Variants in MAGI2 observed in about 807,000 individuals in gnomAD.
MAGI2 encodes membrane associated guanylate kinase, WW and PDZ domain containing 2, also known as membrane-associated guanylate kinase, WW and PDZ domain-containing protein 2.
Under a neutral mutation model 133.3 loss-of-function variants are expected in MAGI2, and 35 were observed. The observed-to-expected ratio is 0.26, with a 90% CI of 0.20 to 0.35. The LOEUF is 0.35. MAGI2 is among the 10% of genes least tolerant of loss of function. The probability of loss-of-function intolerance (pLI) is 1.00; values close to 1 mark genes in which losing one functional copy is unlikely to be tolerated. For synonymous variants in MAGI2, 729 were observed against 710.6 expected (o/e 1.03, Z -0.41); for missense variants, 1,636 against 1,863.4 (o/e 0.88, Z 2.25).
chr7:79,391,693 TTTTG>T (rs981086565), intron 1 of MAGI2, among the ~76,000 whole-genome samples: 1 of 151,484 alleles, frequency 6.6e-6, no homozygotes, highest in African/African-American at 2.4e-5. Flanking sequence ...GTTTGTTTGT[TTTTG>T]TTTGTTTGTT....
At chr7:79,213,324 G>GTA (rs1491479722) in intron 1 of MAGI2, among the ~76,000 whole-genome samples, 3 of 136,184 alleles carry the variant, frequency 2.2e-5, no homozygotes, top group East Asian at 4.3e-4. Flanking sequence ...ACGTACACAC[G>GTA]TACACACACA....
intron 6 of MAGI2, among the ~76,000 whole-genome samples, chr7:78,445,953 CT>C (rs1403465003): frequency 6.6e-6 from 1 of 151,152 alleles, no homozygotes; most frequent in Non-Finnish European, 1.5e-5. Context: ...TTTAATGCTA[CT>C]TTTATTGCCT....
At chr7:79,178,271 ACAG>A (rs1826289862) in intron 1 of MAGI2, among the ~76,000 whole-genome samples, 1 of 151,974 alleles carries the variant, frequency 6.6e-6, no homozygotes, top group African/African-American at 2.4e-5. Flanking sequence ...ATTAGTGAAA[ACAG>A]CAGATACGTT....
At chr7:78,232,395 A>G (rs563127490) in intron 10 of MAGI2, among the ~76,000 whole-genome samples, 1 of 152,030 alleles carries the variant, frequency 6.6e-6, no homozygotes, top group South Asian at 2.1e-4. Flanking sequence ...AAAACATAAT[A>G]CTAAATTTAT....
intron 10 of MAGI2, among the ~76,000 whole-genome samples, chr7:78,213,133 A>G (rs1214899502): frequency 6.6e-6 from 1 of 151,996 alleles, no homozygotes; most frequent in Non-Finnish European, 1.5e-5. Context: ...CCTAAGTGTT[A>G]ATTTGTTTTC....
intron 2 of MAGI2, among the ~76,000 whole-genome samples, chr7:78,944,047 C>A (rs1402588737): frequency 6.6e-6 from 1 of 152,234 alleles, no homozygotes; most frequent in Middle Eastern, 3.4e-3. Flanking sequence ...GTAGGTGTGA[C>A]ACACACTAAG....
At chr7:78,527,376 T>C (rs1310516083) in intron 3 of MAGI2, among the ~76,000 whole-genome samples, 2 of 152,232 alleles carry the variant, frequency 1.3e-5, no homozygotes, top group Non-Finnish European at 2.9e-5. Context: ...GCATAAAAGT[T>C]GTATTTTAAG....
At chr7:78,087,014 G>T (rs1816718815) in intron 20 of MAGI2, among the ~76,000 whole-genome samples, 1 of 152,078 alleles carries the variant, frequency 6.6e-6, no homozygotes, top group African/African-American at 2.4e-5. Flanking sequence ...TAGAATCTGA[G>T]TCCTCCTTCT....
At chr7:79,266,422 C>T (rs1439184352) in intron 1 of MAGI2, among the ~76,000 whole-genome samples, 1 of 151,954 alleles carries the variant, frequency 6.6e-6, no homozygotes, top group Non-Finnish European at 1.5e-5. Flanking sequence ...ACTTTATAAC[C>T]AACCCTGATT....
rs967123650 is a variant in MAGI2 at position 78,275,287 on chromosome 7, A to G, written c.1409-18706T>C. ...CTCTGTGGGCTGCACCCACTGTCCA[A>G]CCAGTCCCAGTGAGATGAACCAGGT... On this transcript the variant is annotated intron_variant, in intron 9 of 21. Coordinates refer to ENST00000354212, the MANE Select transcript of MAGI2 (RefSeq NM_012301.4). Among the ~76,000 whole-genome samples the G allele has an allele frequency of 5.9e-5, 9 of 152,080 alleles. No individual in the cohort carries two copies. The East Asian group carries it at 1.4e-3, about 23-fold the overall frequency.
intron 10 of MAGI2, among the ~76,000 whole-genome samples, chr7:78,214,378 T>C (rs770944986): frequency 2.6e-4 from 40 of 152,376 alleles, no homozygotes; most frequent in Admixed American, 5.9e-4. Context: ...TATTTTGTTA[T>C]AGATGCCATC....
At chr7:78,684,351 C>A (rs2151102813) in intron 2 of MAGI2, among the ~76,000 whole-genome samples, 1 of 152,154 alleles carries the variant, frequency 6.6e-6, no homozygotes, top group African/African-American at 2.4e-5. Context: ...AGCCTATGAT[C>A]CCCCAGTTAA....
intron 16 of MAGI2, among the ~76,000 whole-genome samples, chr7:78,155,925 A>G (rs1584180292): frequency 6.6e-6 from 1 of 152,178 alleles, no homozygotes; most frequent in East Asian, 1.9e-4. Context: ...GCTGAGCATC[A>G]CCTGTGCTTG....
chr7:79,290,487 A>C (rs1836384645), intron 1 of MAGI2, among the ~76,000 whole-genome samples: 1 of 152,030 alleles, frequency 6.6e-6, no homozygotes, highest in Non-Finnish European at 1.5e-5. Flanking sequence ...CTCAATGCTT[A>C]TGACAGACGC....
chr7:78,040,173 C>G (rs1020528917), intron 21 of MAGI2, among the ~76,000 whole-genome samples: 1 of 152,244 alleles, frequency 6.6e-6, no homozygotes, highest in Non-Finnish European at 1.5e-5. Context: ...TCGTTGTGCT[C>G]TTGGGGCGCC....
intron 2 of MAGI2, among the ~76,000 whole-genome samples, chr7:78,724,924 G>A (rs1820621213): frequency 6.6e-6 from 1 of 152,080 alleles, no homozygotes; most frequent in African/African-American, 2.4e-5. Flanking sequence ...CGCTCTAAGT[G>A]CCCAATAATT....
chr7:78,690,629 T>A (rs141896726), intron 2 of MAGI2, among the ~76,000 whole-genome samples: 1 of 152,322 alleles, frequency 6.6e-6, no homozygotes, highest in African/African-American at 2.4e-5. Flanking sequence ...AGATACTGAA[T>A]ATAGGAATTA....
chr7:78,143,196 A>G (rs866731123), intron 16 of MAGI2, among the ~76,000 whole-genome samples: 4 of 152,234 alleles, frequency 2.6e-5, no homozygotes, highest in Non-Finnish European at 4.4e-5. Flanking sequence ...GCTTGCAAAT[A>G]ACCAAACAGC....
Position 78,025,462 on chromosome 7 carries a change from C to T in MAGI2, c.3707-5486G>A, listed in dbSNP as rs1584868750. 2.6e-5 allele frequency among the ~76,000 whole-genome samples: 4 copies of T among 152,300 alleles called. No individual in the cohort carries two copies. In the South Asian group the frequency reaches 8.3e-4, roughly 32 times the overall value. ...CAATGACCACATTGGCCTTGTTTAT[C>T]ACAGTGTATTTAATAACTAGCATAG... On this transcript the variant is annotated intron_variant, in intron 21 of 21. Coordinates refer to ENST00000354212, the MANE Select transcript of MAGI2 (RefSeq NM_012301.4).
Sources: gnomAD v4.1 joint callset for allele counts (sites outside exome capture counted in the v4.1 genomes callset) on GRCh38, gnomAD v4.1.1 for gene constraint, MANE v1.5 for transcripts, NCBI Gene and HGNC (gene_info 2026-07-23, HGNC 2026-07-21) for gene names.